IL34: variants seen among roughly 807,000 people sequenced by gnomAD.
IL34 encodes the protein interleukin-34.
A neutral mutation model predicts 25.3 loss-of-function variants in IL34; 17 were observed. The ratio of observed to expected loss-of-function variants is 0.67; its 90% CI spans 0.46 to 1.01. IL34 has a LOEUF of 1.01. Ranked by LOEUF, IL34 falls within the 50% of genes least tolerant of loss-of-function variation. IL34 has a pLI of 0.00. For missense variants in IL34, 368 were observed against 312.9 expected, an observed-to-expected ratio of 1.18 and a Z score of -1.33; for synonymous variants, 174 against 140.9, an observed-to-expected ratio of 1.23 and a Z score of -1.66.
chr16:70,659,148 C>T (rs996997126), intron 4 of IL34, among the ~76,000 whole-genome samples: 4 of 152,150 alleles, frequency 2.6e-5, no homozygotes, highest in South Asian at 2.1e-4. Context: ...TGTTGCATAT[C>T]GTGGAGAGAA....
At chr16:70,649,007 C>T (rs1458204788) in intron 1 of IL34, among the ~76,000 whole-genome samples, 1 of 152,258 alleles carries the variant, frequency 6.6e-6, no homozygotes, top group Non-Finnish European at 1.5e-5. Flanking sequence ...CTTCCTAGGA[C>T]ACTAGTCACT....
intron 2 of IL34, 72 bp downstream of exon 2, chr16:70,654,743 T>G: frequency 6.6e-7 from 1 of 1,510,322 alleles, no homozygotes; most frequent in Non-Finnish European, 8.9e-7. Flanking sequence ...CCTCTGGACA[T>G]TCAGAGCCCT....
In IL34 at chr16:70,653,078, T is replaced by C. The variant is rs191299197; in HGVS notation, c.29-1460T>C. ...AATATTGGCCGGGTGTAGTAGCCCC[T>C]GCTTGTAATCCCAGCTACTTGGGAG... On this transcript the variant is annotated intron_variant, in intron 1 of 5. Coordinates refer to ENST00000288098, the MANE Select transcript of IL34 (RefSeq NM_001393494.1). 5.7e-3 allele frequency among the ~76,000 whole-genome samples: 863 copies of C among 152,220 alleles called. 10 individuals are homozygous for C. Among genetic ancestry groups the C allele is most frequent in the African/African-American group, 0.019 (797 of 41,514 alleles).
At position 70,656,863 on chromosome 16, in the gene IL34, G is replaced by A. The variant is rs537525461; in HGVS notation, c.241-97G>A. On this transcript the variant is annotated intron_variant, in intron 3 of 5. Transcript: ENST00000288098. Reference sequence around the variant, plus strand: ...CCACTGTCCACAGCGGACGGCCCGCGTCTGCTCCCTATGCAGGGGCAAGTC... The same window carrying A: ...CCACTGTCCACAGCGGACGGCCCGCATCTGCTCCCTATGCAGGGGCAAGTC... The A allele has an allele frequency of 2.4e-4, 327 of 1,377,850 alleles. 1 individual carries two copies. In the Middle Eastern group the frequency reaches 4.7e-3, roughly 20 times the overall value. The allele number at this position is 1,377,850 out of a possible 1,614,324, so 85.4% of individuals were successfully genotyped here.
At chr16:70,621,946 G>C (rs185800302) in intron 1 of IL34, among the ~76,000 whole-genome samples, 3 of 151,912 alleles carry the variant, frequency 2.0e-5, no homozygotes, top group African/African-American at 7.2e-5. Context: ...TCAGTTAAGG[G>C]GGGGCAGGGC....
intron 1 of IL34, among the ~76,000 whole-genome samples, chr16:70,647,334 G>A (rs1424775581): frequency 1.3e-5 from 2 of 152,146 alleles, no homozygotes; most frequent in Non-Finnish European, 1.5e-5. Flanking sequence ...GGCCGGTGGA[G>A]GGGGGCAGGG....
chr16:70,596,130 C>T (rs2151812768), intron 1 of IL34, among the ~76,000 whole-genome samples: 1 of 152,190 alleles, frequency 6.6e-6, no homozygotes, highest in South Asian at 2.1e-4. Context: ...CTGGTGTGGG[C>T]CCTTGTCCTA....
chr16:70,634,434 C>T (rs1329613476), intron 1 of IL34, among the ~76,000 whole-genome samples: 1 of 152,036 alleles, frequency 6.6e-6, no homozygotes, highest in East Asian at 1.9e-4. Context: ...AATCCCAGCA[C>T]TTTGCGAGGC....
chr16:70,636,861 C>G (rs548854011), intron 1 of IL34, among the ~76,000 whole-genome samples: 2 of 152,154 alleles, frequency 1.3e-5, no homozygotes, highest in South Asian at 4.1e-4. Flanking sequence ...TAAATAGCAC[C>G]TATTGCCCCT....
chr16:70,619,422 G>A (rs374261293), intron 1 of IL34, among the ~76,000 whole-genome samples: 16 of 151,654 alleles, frequency 1.1e-4, no homozygotes, highest in East Asian at 3.9e-4. Flanking sequence ...AATTTAGTTA[G>A]AGTATCTCGG....
At chr16:70,608,135 T>C (rs934094329) in intron 1 of IL34, among the ~76,000 whole-genome samples, 4 of 148,558 alleles carry the variant, frequency 2.7e-5, no homozygotes, top group Non-Finnish European at 4.5e-5. Context: ...TCTTTTTTTT[T>C]TTTTTTTTTT....
chr16:70,612,577 A>G (rs2051106794), intron 1 of IL34, among the ~76,000 whole-genome samples: 2 of 152,248 alleles, frequency 1.3e-5, no homozygotes, highest in African/African-American at 4.8e-5. Flanking sequence ...TTGTCAGCTC[A>G]GAACCCTCCC....
intron 1 of IL34, among the ~76,000 whole-genome samples, chr16:70,583,903 C>T (rs1158807704): frequency 2.0e-5 from 3 of 152,168 alleles, no homozygotes; most frequent in Admixed American, 2.0e-4. Context: ...CCACCCACCT[C>T]GACCTCCCAA....
At chr16:70,605,481 C>T (rs2050988968) in intron 1 of IL34, among the ~76,000 whole-genome samples, 1 of 152,148 alleles carries the variant, frequency 6.6e-6, no homozygotes, top group Non-Finnish European at 1.5e-5. Flanking sequence ...TTCATCATCC[C>T]AAATGAAACT....
At chr16:70,588,769 T>G (rs1219334133) in intron 1 of IL34, among the ~76,000 whole-genome samples, 1 of 152,146 alleles carries the variant, frequency 6.6e-6, no homozygotes, top group Non-Finnish European at 1.5e-5. Context: ...GAATGAACTT[T>G]GAGGAAATCA....
At chr16:70,590,666 C>T (rs1047776748) in intron 1 of IL34, among the ~76,000 whole-genome samples, 8 of 152,278 alleles carry the variant, frequency 5.3e-5, no homozygotes, top group African/African-American at 1.9e-4. Flanking sequence ...CTCACCATAG[C>T]CCTGTGCGGT....
At chr16:70,640,005 A>G (rs1447417501) in intron 1 of IL34, among the ~76,000 whole-genome samples, 1 of 152,132 alleles carries the variant, frequency 6.6e-6, no homozygotes, top group Non-Finnish European at 1.5e-5. Flanking sequence ...ATGGATCTGC[A>G]ATCAGGAAAC....
rs1198058506 is a variant in IL34 at position 70,660,618 on chromosome 16, C to G, written c.*431C>G. 5.9e-6 allele frequency: 1 copy of G among 170,930 alleles called. No individual in the cohort carries two copies. The highest frequency in any genetic ancestry group is 1.2e-5 in the Non-Finnish European group (1 of 80,744). The allele number at this position is 170,930 out of a possible 1,614,324, so 10.6% of individuals were successfully genotyped here. A position where few individuals can be genotyped will look rare whatever the true frequency, so the allele number is the denominator to read the frequency against. On this transcript the variant is annotated 3_prime_UTR_variant, in exon 6 of 6. Coordinates refer to ENST00000288098, the MANE Select transcript of IL34 (RefSeq NM_001393494.1). ...GGGGGCAGAGGGCGGTGCCAAGTGC[C>G]ACATCTTGCCATAGTGGATGCTCTT...
upstream of IL34, among the ~76,000 whole-genome samples, chr16:70,644,713 G>GGAAA (rs2051866581): frequency 7.2e-6 from 1 of 139,164 alleles, no homozygotes; most frequent in Non-Finnish European, 1.5e-5. Flanking sequence ...AGGAGGAGGG[G>GGAAA]GAGGAGGAGG....
Sources: gnomAD v4.1 joint callset for allele counts (sites outside exome capture counted in the v4.1 genomes callset) on GRCh38, gnomAD v4.1.1 for gene constraint, MANE v1.5 for transcripts, NCBI Gene and HGNC (gene_info 2026-07-23, HGNC 2026-07-21) for gene names.